The following TBX10 variants were observed in gnomAD, a reference collection of about 807,000 sequenced individuals.
TBX10 encodes the protein T-box transcription factor 10.
A neutral mutation model predicts 32.4 loss-of-function variants in TBX10; 26 were observed. The ratio of observed to expected loss-of-function variants is 0.80; its 90% confidence interval spans 0.59 to 1.11. The LOEUF (loss-of-function observed/expected upper bound fraction) is 1.11, where lower values mean the gene tolerates loss of function less well. TBX10 is among the 50% of genes most tolerant of loss of function. The probability of loss-of-function intolerance (pLI) is 0.00; values close to 1 mark genes in which losing one functional copy is unlikely to be tolerated. For synonymous variants in TBX10, 195 were observed against 203.1 expected (o/e 0.96, Z 0.34); for missense variants, 490 against 494.5 (o/e 0.99, Z 0.09).
Position 67,639,451 on chromosome 11 carries a change from C to G in TBX10, c.7+15G>C, listed in dbSNP as rs1229718691. On this transcript the variant is annotated intron_variant, in intron 1 of 7. Transcript: ENST00000335385. ...CTGACCCATGAGGCCACCTCTGCTT[C>G]AGAACGTAGCCTACCTGCCATGGAG... 1 of 1,436,284 alleles carries G rather than the reference C, an allele frequency of 7.0e-7. No individual in the cohort carries two copies. Among genetic ancestry groups the G allele is most frequent in the Non-Finnish European group, 9.3e-7 (1 of 1,072,654 alleles). 89.0% of individuals were successfully genotyped at this position (1,436,284 alleles called of 1,614,324 possible). A position where few individuals can be genotyped will look rare whatever the true frequency, so the allele number is the denominator to read the frequency against.
chr11:67,639,788 C>T (rs1855380383), upstream of TBX10, among the ~76,000 whole-genome samples: 1 of 152,132 alleles, frequency 6.6e-6, no homozygotes, highest in African/African-American at 2.4e-5. Flanking sequence ...GGGAGGAGGG[C>T]AGGTGGGAAG....
At position 67,631,409 on chromosome 11, in the gene TBX10, G is replaced by A; in HGVS notation, c.*196C>T. ...AGTATTCAGGCTGCTGGGGTTGGGA[G>A]ATAGAAGTCCTGGTTCCAAGCTTGC... On this transcript the variant is annotated 3_prime_UTR_variant, in exon 8 of 8. Coordinates refer to ENST00000335385, the MANE Select transcript of TBX10 (RefSeq NM_005995.5). 1.5e-6 allele frequency: 1 copy of A among 680,042 alleles called. No individual in the cohort carries two copies. Among genetic ancestry groups the A allele is most frequent in the Non-Finnish European group, 2.4e-6 (1 of 409,002 alleles). The allele number at this position is 680,042 out of a possible 1,614,324, so 42.1% of individuals were successfully genotyped here.
intron 3 of TBX10, 115 bp from the exon 4 acceptor site, chr11:67,634,475 C>T: frequency 1.5e-6 from 2 of 1,298,062 alleles, no homozygotes; most frequent in Non-Finnish European, 2.1e-6. Flanking sequence ...ACCTGGTGGG[C>T]ACCTTGCTAA....
At chr11:67,631,988 A>G (rs1025781440) in intron 7 of TBX10, 94 bp from the exon 8 acceptor site, 41 of 1,499,280 alleles carry the variant, frequency 2.7e-5, no homozygotes, top group Non-Finnish European at 3.3e-5. Context: ...CTCCTTCCCA[A>G]GTTACCTACC....
upstream of TBX10, among the ~76,000 whole-genome samples, chr11:67,640,084 C>T (rs1045529974): frequency 2.6e-5 from 4 of 152,156 alleles, no homozygotes; most frequent in African/African-American, 9.7e-5. Flanking sequence ...AGACCCCTGA[C>T]CTGAGGCTGG....
intron 4 of TBX10, 88 bp downstream of exon 4, chr11:67,634,101 G>C: frequency 6.4e-7 from 1 of 1,573,826 alleles, no homozygotes; most frequent in South Asian, 1.1e-5. Context: ...AGCAGGCAGA[G>C]GTGCTGGGCA....
intron 6 of TBX10, 84 bp downstream of exon 6, chr11:67,632,519 G>T: frequency 6.3e-7 from 1 of 1,588,600 alleles, no homozygotes; most frequent in Non-Finnish European, 8.6e-7. Flanking sequence ...CAGAGGGTGT[G>T]ACCCTGAAAC....
In TBX10 at chr11:67,632,685, G is replaced by C. The variant is rs146440732; in HGVS notation, c.706-15C>G. On this transcript the variant is annotated splice_polypyrimidine_tract_variant and intron_variant, in intron 5 of 7. Transcript: ENST00000335385. ...AGCTGGGTGATCTGCAGGAGACAAA[G>C]TGCAGTTGTGGGCTGGCCATGAGCC... 3,794 of 1,613,866 alleles carry C rather than the reference G, an allele frequency of 2.4e-3. 27 individuals are homozygous for C. In the Middle Eastern group the frequency reaches 0.026, roughly 11 times the overall value.
Position 67,634,237 on chromosome 11 carries a change from G to T in TBX10, c.501C>A (p.Ser167=). 1 of 1,613,282 alleles carries T rather than the reference G, an allele frequency of 6.2e-7. No individual in the cohort carries two copies. The change falls in exon 4 of 8, where the codon TCC becomes TCA. Residue 167 remains serine, a synonymous_variant. Coordinates refer to ENST00000335385, the MANE Select transcript of TBX10 (RefSeq NM_005995.5). ...TGTTGGTCAGCTTGAGCTTGTCAAA[G>T]GACACAATCTGGCGCATCCACTGGG... ...KGAQWMRQIV[S]FDKLKLTNNL...
chr11:67,635,027 C>G lies in TBX10; in HGVS notation c.244G>C (p.Gly82Arg). 6.2e-7 allele frequency: 1 copy of G among 1,613,722 alleles called. No homozygotes were observed. The highest frequency in any genetic ancestry group is 1.3e-5 in the African/African-American group (1 of 75,048). Residue 82 changes from glycine (G) to arginine (R), a missense_variant, in exon 2 of 8, where the codon GGC (glycine) becomes CGC (arginine). Around this residue, in one of 3 missense-constraint regions of TBX10, gnomAD observed 307 missense variants for 294.9 expected, o/e 1.04. Coordinates refer to ENST00000335385, the MANE Select transcript of TBX10 (RefSeq NM_005995.5). ...GCCTTGGTGACGATCATCTCAGTGC[C>G]CAGCTGGTTGAATTCCTCCCACAGA... ...KPLWEEFNQL[G>R]TEMIVTKAGR...
intron 1 of TBX10, among the ~76,000 whole-genome samples, chr11:67,639,048 T>G (rs1314756344): frequency 6.6e-6 from 1 of 152,088 alleles, no homozygotes; most frequent in Non-Finnish European, 1.5e-5. Context: ...GGGACTCTGG[T>G]GGGGGGAGCC....
chr11:67,636,130 G>A (rs1855324238), intron 1 of TBX10, among the ~76,000 whole-genome samples: 1 of 141,308 alleles, frequency 7.1e-6, no homozygotes, highest in South Asian at 2.2e-4. Flanking sequence ...CCAGGCTGGA[G>A]TGCAGCGGGA....
At chr11:67,637,857 CTACTT>C (rs1855352208) in intron 1 of TBX10, among the ~76,000 whole-genome samples, 1 of 152,172 alleles carries the variant, frequency 6.6e-6, no homozygotes, top group Admixed American at 6.5e-5. Context: ...AGAGGAACCT[CTACTT>C]TACTTTTTAC....
intron 1 of TBX10, 98 bp downstream of exon 1, chr11:67,639,368 C>A (rs564072905): frequency 1.4e-6 from 2 of 1,427,914 alleles, no homozygotes; most frequent in South Asian, 1.2e-5. Flanking sequence ...TGTGAAGGAC[C>A]TGGGTTCAGC....
upstream of TBX10, among the ~76,000 whole-genome samples, chr11:67,641,016 T>G (rs561230058): frequency 3.9e-4 from 59 of 152,240 alleles, no homozygotes; most frequent in Admixed American, 3.5e-3. Context: ...TTGGAGTTGC[T>G]GCCAGGCAAG....
In TBX10 at chr11:67,633,129, C is replaced by T. The variant is rs531394687; in HGVS notation, c.550-26G>A. 5 of 1,609,532 alleles carry T rather than the reference C, an allele frequency of 3.1e-6. No individual in the cohort carries two copies. The South Asian group carries it at 5.5e-5, about 18-fold the overall frequency. ...CTGTGGAAGGGACAGAGCAGGGGTA[C>T]AGGGGTGAGGCGGAGTACAGCGGAC... On this transcript the variant is annotated intron_variant, in intron 4 of 7. Coordinates refer to ENST00000335385, the MANE Select transcript of TBX10 (RefSeq NM_005995.5).
At chr11:67,635,802 C>T (rs897293744) in intron 1 of TBX10, among the ~76,000 whole-genome samples, 8 of 152,178 alleles carry the variant, frequency 5.3e-5, no homozygotes, top group African/African-American at 1.9e-4. Flanking sequence ...TTACCCATCC[C>T]TGACCTTGAC....
Position 67,632,330 on chromosome 11 carries a change from C to T in TBX10, c.856G>A (p.Asp286Asn), listed in dbSNP as rs1204922419. Residue 286 changes from aspartate to asparagine, a missense_variant, in exon 7 of 8, where the codon GAC (aspartate) becomes AAC (asparagine). Physicochemically the swap from Asp to Asn is conservative, Grantham distance 23 (BLOSUM62 1). This residue lies in a region of TBX10 where 177 missense variants were observed against 176.6 expected (regional missense o/e 1.00). Transcript: ENST00000335385. ...CCTGGGGCCTTACCTTTCTCCCTGT[C>T]TGTGGCACCCTTCAGCACACAGGGA... ...LSPCVLKGAT[D>N]REKDPNKASA... The T allele has an allele frequency of 2.5e-6, 4 of 1,613,292 alleles. No individual in the cohort carries two copies. The highest frequency in any genetic ancestry group is 4.5e-5 in the East Asian group (2 of 44,900).
At chr11:67,640,698 G>A (rs1051343094), upstream of TBX10, among the ~76,000 whole-genome samples, 3 of 152,174 alleles carry the variant, frequency 2.0e-5, no homozygotes, top group African/African-American at 7.2e-5. Flanking sequence ...CGTCTGGCTG[G>A]AGCCCCCCAT....
Sources: allele counts gnomAD v4.1 joint callset (sites outside exome capture counted in the v4.1 genomes callset), GRCh38; gene constraint gnomAD v4.1.1; regional missense constraint gnomAD v4.1.1; transcripts MANE v1.5; gene names NCBI Gene and HGNC (gene_info 2026-07-23, HGNC 2026-07-21).